GNG5: variants seen among roughly 807,000 people sequenced by gnomAD.
GNG5 encodes guanine nucleotide-binding protein G(I)/G(S)/G(O) subunit gamma-5.
Under a neutral mutation model 6.2 loss-of-function variants are expected in GNG5, and 2 were observed. The ratio of observed to expected loss-of-function variants is 0.32; its 90% CI spans 0.13 to 1.01. The LOEUF (loss-of-function observed/expected upper bound fraction) is 1.01, where lower values mean the gene tolerates loss of function less well. GNG5 is among the 50% of genes least tolerant of loss of function. GNG5 has a pLI of 0.48. For missense variants in GNG5, 57 were observed against 80.2 expected, an observed-to-expected ratio of 0.71 and a Z score of 1.10; for synonymous variants, 24 against 33.0, an observed-to-expected ratio of 0.73 and a Z score of 0.93.
At chr1:84,502,428 A>C (rs1265939689) in intron 2 of GNG5, among the ~76,000 whole-genome samples, 1 of 152,106 alleles carries the variant, frequency 6.6e-6, no homozygotes, top group Non-Finnish European at 1.5e-5. Flanking sequence ...CACCACGCCC[A>C]GCCTAGTGAG....
chr1:84,505,211 T>C (rs1682151890), intron 2 of GNG5, among the ~76,000 whole-genome samples: 2 of 152,222 alleles, frequency 1.3e-5, no homozygotes, highest in South Asian at 2.1e-4. Flanking sequence ...TGTCAAGTTA[T>C]TCTATCAACA....
chr1:84,506,311 G>A lies in GNG5; in HGVS notation c.-210-10C>T. 2.4e-6 allele frequency: 1 copy of A among 409,880 alleles called. No homozygotes were observed. Among genetic ancestry groups the A allele is most frequent in the East Asian group, 4.1e-5 (1 of 24,686 alleles). The allele number at this position is 409,880 out of a possible 1,614,324, so 25.4% of individuals were successfully genotyped here. On this transcript the variant is annotated splice_polypyrimidine_tract_variant and intron_variant, in intron 1 of 3. Transcript: ENST00000370645. ...GGCCCCGAGCGCGAGCCTGGAGGAG[G>A]GGGAGGAGAAGGGGCGGAGCAGTCG...
chr1:84,505,955 G>T, intron 2 of GNG5, 56 bp downstream of exon 2: 1 of 1,221,134 alleles, frequency 8.2e-7, no homozygotes, highest in Non-Finnish European at 1.1e-6. Flanking sequence ...CTGGGCCGCC[G>T]GATCCCACCC....
At chr1:84,505,956 G>A (rs1199654468) in intron 2 of GNG5, 55 bp downstream of exon 2, 4 of 1,292,464 alleles carry the variant, frequency 3.1e-6, no homozygotes, top group Middle Eastern at 2.7e-4. Context: ...TGGGCCGCCG[G>A]ATCCCACCCG....
chr1:84,506,324 G>A, intron 1 of GNG5, 23 bp from the exon 2 acceptor site: 1 of 396,144 alleles, frequency 2.5e-6, no homozygotes, highest in Admixed American at 4.7e-5. Flanking sequence ...GAGGAGAAGG[G>A]GCGGAGCAGT....
At chr1:84,505,903 G>T in intron 2 of GNG5, 108 bp downstream of exon 2, 2 of 767,248 alleles carry the variant, frequency 2.6e-6, no homozygotes, top group African/African-American at 1.9e-5. Flanking sequence ...GTCCTCTCCA[G>T]GGGAAGCGAG....
rs549627581 is a variant in GNG5 at position 84,505,812 on chromosome 1, C to A, written c.81+199G>T. 1.4e-4 allele frequency among the ~76,000 whole-genome samples: 21 copies of A among 152,316 alleles called. No homozygotes were observed. In the South Asian group the frequency reaches 4.1e-3, roughly 30 times the overall value. On this transcript the variant is annotated intron_variant, in intron 2 of 3. Transcript: ENST00000370645. ...TCCTGGGGCGGAAGGGCGAACTAATCGTCCCCCTAAAACACAGCGTAGACC... is the reference window on the plus strand; with the variant it reads ...TCCTGGGGCGGAAGGGCGAACTAATAGTCCCCCTAAAACACAGCGTAGACC...
At chr1:84,502,340 G>GC (rs756199602) in intron 2 of GNG5, among the ~76,000 whole-genome samples, 1 of 151,794 alleles carries the variant, frequency 6.6e-6, no homozygotes, top group Non-Finnish European at 1.5e-5. Context: ...CACCGTGTTG[G>GC]CCAGGATGGT....
chr1:84,506,250 C>A lies in GNG5; in HGVS notation c.-159G>T, dbSNP rs1211838800. The A allele has an allele frequency of 6.0e-6, 3 of 497,712 alleles. No individual in the cohort carries two copies. The highest frequency in any genetic ancestry group is 1.0e-5 in the Non-Finnish European group (3 of 297,786). 30.8% of individuals were successfully genotyped at this position (497,712 alleles called of 1,614,324 possible). On this transcript the variant is annotated 5_prime_UTR_variant, in exon 2 of 4. Coordinates refer to ENST00000370645, the MANE Select transcript of GNG5 (RefSeq NM_005274.3). Reference sequence around the variant, plus strand: ...AGCGGCTCCACCCTCGGTGCGCATGCGCGCCTTGCCAGCCCTCTGTTCCAG... The same window carrying A: ...AGCGGCTCCACCCTCGGTGCGCATGAGCGCCTTGCCAGCCCTCTGTTCCAG...
In GNG5 at chr1:84,498,561, A is replaced by T. The variant is rs1681987797; in HGVS notation, c.*20-13T>A. The T allele has an allele frequency of 1.7e-5, 1 of 58,724 alleles. No individual in the cohort carries two copies. The highest frequency in any genetic ancestry group is 1.6e-4 in the African/African-American group (1 of 6,322). 3.6% of individuals were successfully genotyped at this position (58,724 alleles called of 1,614,324 possible). A position where few individuals can be genotyped will look rare whatever the true frequency, so the allele number is the denominator to read the frequency against. On this transcript the variant is annotated splice_polypyrimidine_tract_variant and intron_variant, in intron 3 of 3. Transcript: ENST00000370645. ...TGGTTTGGGAAACCTAAGATGGGGA[A>T]AAAAAAAAAAAGGTGAGTTAGGGTA... is the stretch of plus-strand genomic sequence containing the variant.
intron 3 of GNG5, among the ~76,000 whole-genome samples, chr1:84,500,713 A>C (rs1198564137): frequency 1.3e-5 from 2 of 152,170 alleles, no homozygotes; most frequent in Non-Finnish European, 2.9e-5. Flanking sequence ...CTGGTATTTC[A>C]AAAAACTTAA....
At chr1:84,499,435 A>G (rs535221250) in intron 3 of GNG5, among the ~76,000 whole-genome samples, 1 of 152,328 alleles carries the variant, frequency 6.6e-6, no homozygotes, top group African/African-American at 2.4e-5. Context: ...ACGTTGTAAA[A>G]ATGTTAAACG....
intron 2 of GNG5, among the ~76,000 whole-genome samples, chr1:84,505,146 A>C (rs945004362): frequency 6.6e-5 from 10 of 152,250 alleles, no homozygotes; most frequent in African/African-American, 2.4e-4. Flanking sequence ...TACCAGAAAG[A>C]AGCCAATCCA....
At chr1:84,498,709 A>G (rs1273388056) in intron 3 of GNG5, among the ~76,000 whole-genome samples, 161 bp from the exon 4 acceptor site, 2 of 152,240 alleles carry the variant, frequency 1.3e-5, no homozygotes, top group African/African-American at 2.4e-5. Context: ...ACTCTGATGT[A>G]TAAGTCATTC....
At chr1:84,499,920 C>T (rs1006913924) in intron 3 of GNG5, among the ~76,000 whole-genome samples, 3 of 152,088 alleles carry the variant, frequency 2.0e-5, no homozygotes, top group East Asian at 1.9e-4. Context: ...GTTCGAGAAA[C>T]GCTGTCTCTA....
chr1:84,503,105 A>G (rs1238894437), intron 2 of GNG5, among the ~76,000 whole-genome samples: 2 of 152,266 alleles, frequency 1.3e-5, no homozygotes, highest in African/African-American at 4.8e-5. Flanking sequence ...GAAATCTGTC[A>G]CTGTCTAGTT....
chr1:84,500,654 G>A (rs1682039777), intron 3 of GNG5, among the ~76,000 whole-genome samples: 1 of 152,134 alleles, frequency 6.6e-6, no homozygotes, highest in African/African-American at 2.4e-5. Context: ...ACTTCTTCAT[G>A]TGCATTTTTG....
chr1:84,501,416 A>G (rs1324657134), intron 3 of GNG5, among the ~76,000 whole-genome samples: 1 of 152,228 alleles, frequency 6.6e-6, no homozygotes. Context: ...ATCAGTTGGT[A>G]GTACTTTAAG....
chr1:84,502,083 A>C, intron 2 of GNG5, 113 bp from the exon 3 acceptor site: 1 of 691,766 alleles, frequency 1.4e-6, no homozygotes, highest in Non-Finnish European at 2.5e-6. Flanking sequence ...CTCTTGCTTC[A>C]AAAGAAGATA....
Sources: allele counts gnomAD v4.1 joint callset (sites outside exome capture counted in the v4.1 genomes callset), GRCh38; gene constraint gnomAD v4.1.1; transcripts MANE v1.5; gene names NCBI Gene and HGNC (gene_info 2026-07-23, HGNC 2026-07-21).